Variants in FLAD1 observed in about 807,000 individuals in gnomAD.
FLAD1 encodes the protein flavin adenine dinucleotide synthetase 1, also known as bifunctional FAD diphosphatase/FAD synthase.
A neutral mutation model predicts 55.0 loss-of-function variants in FLAD1; 35 were observed. The observed-to-expected ratio is 0.64, with a 90% CI of 0.49 to 0.84. FLAD1 has a LOEUF of 0.84. Ranked by LOEUF, FLAD1 falls within the 40% of genes least tolerant of loss-of-function variation. The pLI is 0.00. For missense variants in FLAD1, 665 were observed against 742.6 expected, an observed-to-expected ratio of 0.90 and a Z score of 1.21; for synonymous variants, 267 against 303.0, an observed-to-expected ratio of 0.88 and a Z score of 1.23.
At chr1:154,990,943 G>A (rs1310400574) in intron 5 of FLAD1, 2 of 152,542 alleles carry the variant, frequency 1.3e-5, no homozygotes, top group Non-Finnish European at 2.9e-5. Context: ...TGGGCGCAGT[G>A]GCTCACGCCT....
chr1:154,992,763 A>G lies in FLAD1; in HGVS notation c.1605A>G (p.Pro535=). The G allele has an allele frequency of 2.5e-6, 4 of 1,614,152 alleles. No homozygotes were observed. In the South Asian group the frequency reaches 3.3e-5, roughly 13 times the overall value. Residue 535 remains proline (P), a synonymous_variant, in exon 6 of 7, where the codon CCA becomes CCG. Coordinates refer to ENST00000292180, the MANE Select transcript of FLAD1 (RefSeq NM_025207.5). ...IWDFLRQLFV[P]YCILYDRGYT... is the part of the protein sequence containing the mutation. ...ATTTTCTGCGTCAGCTGTTTGTCCC[A>G]TACTGTATCCTGTATGACCGAGGGT...
At chr1:154,988,940 C>A in intron 2 of FLAD1, 91 bp downstream of exon 2, 2 of 1,576,322 alleles carry the variant, frequency 1.3e-6, no homozygotes, top group South Asian at 1.1e-5. Flanking sequence ...GTGCTTCCTG[C>A]AAATCCCTGA....
intron 5 of FLAD1, 39 bp from the exon 6 acceptor site, chr1:154,992,674 G>A (rs1408141120): frequency 1.9e-6 from 3 of 1,614,148 alleles, no homozygotes; most frequent in South Asian, 1.1e-5. Flanking sequence ...AGTGGGAAAG[G>A]TGAGCATTTG....
chr1:154,988,448 A>G lies in FLAD1; in HGVS notation c.716A>G (p.Gln239Arg), dbSNP rs1404680528. ...TATGGCACAGATCCTTGCACTGGTCAACCTTTCAGATTCCCTCTGGTCTCC... is the reference window on the plus strand; with the variant it reads ...TATGGCACAGATCCTTGCACTGGTCGACCTTTCAGATTCCCTCTGGTCTCC... ...LHYGTDPCTGQPFRFPLVSVR... is the reference protein window; with the variant it reads ...LHYGTDPCTGRPFRFPLVSVR... The change falls in exon 2 of 7, where the codon CAA becomes CGA. Residue 239 changes from glutamine (Q) to arginine (R), a missense_variant. By Grantham distance (43) the Gln-to-Arg change is conservative (BLOSUM62 1). Transcript: ENST00000292180. 1.2e-6 allele frequency: 2 copies of G among 1,614,240 alleles called. No homozygotes were observed. Among genetic ancestry groups the G allele is most frequent in the Non-Finnish European group, 1.7e-6 (2 of 1,180,042 alleles).
chr1:154,989,687 C>A lies in FLAD1; in HGVS notation c.1245C>A (p.Leu415=). Reference sequence around the variant, plus strand: ...AAGACTGCACTGCCCTCCTGCACCTCTTCCATGCAGCTGTGCAGAGGTGAG... The same window carrying A: ...AAGACTGCACTGCCCTCCTGCACCTATTCCATGCAGCTGTGCAGAGGTGAG... ...GGKDCTALLH[L]FHAAVQRKLP... The change falls in exon 3 of 7, where the codon CTC becomes CTA. Residue 415 remains leucine (L), a synonymous_variant. Transcript: ENST00000292180. The A allele has an allele frequency of 6.4e-7, 1 of 1,563,354 alleles. No individual in the cohort carries two copies. The highest frequency in any genetic ancestry group is 8.7e-7 in the Non-Finnish European group (1 of 1,152,668).
chr1:154,987,958 G>A, intron 1 of FLAD1, 147 bp from the exon 2 acceptor site: 2 of 1,526,298 alleles, frequency 1.3e-6, no homozygotes, highest in Non-Finnish European at 1.8e-6. Context: ...TCCCACTCTT[G>A]TGTCCAGTCC....
At chr1:154,990,015 A>T in intron 3 of FLAD1, 144 bp from the exon 4 acceptor site, 1 of 759,298 alleles carries the variant, frequency 1.3e-6, no homozygotes, top group Non-Finnish European at 2.3e-6. Context: ...TCCCAGAGGA[A>T]GTGGGTCTAA....
rs375758484 is a variant in FLAD1 at position 154,984,024 on chromosome 1, C to T, written c.330C>T (p.Ser110=). 1.3e-6 allele frequency: 2 copies of T among 1,512,742 alleles called. No homozygotes were observed. Among genetic ancestry groups the T allele is most frequent in the East Asian group, 4.6e-5 (2 of 43,890 alleles). The allele number at this position is 1,512,742 out of a possible 1,614,324, so 93.7% of individuals were successfully genotyped here. The change falls in exon 1 of 7, where the codon AGC becomes AGT. Residue 110 remains serine (S), a synonymous_variant. Coordinates refer to ENST00000292180, the MANE Select transcript of FLAD1 (RefSeq NM_025207.5). ...SRASELSPGR[S]VTAGIIIVGD... is the part of the protein sequence containing the mutation. ...CCTCTGAACTTTCTCCGGGGCGCAGCGTGACGGCTGGCATCATCATTGTTG... is the reference window on the plus strand; with the variant it reads ...CCTCTGAACTTTCTCCGGGGCGCAGTGTGACGGCTGGCATCATCATTGTTG...
At chr1:154,987,932 CCAAA>C (rs1209661793) in intron 1 of FLAD1, 169 bp from the exon 2 acceptor site, 1 of 1,481,954 alleles carries the variant, frequency 6.7e-7, no homozygotes, top group Non-Finnish European at 8.9e-7. Flanking sequence ...AGCTTTAAAA[CCAAA>C]CAAATGGATT....
chr1:154,984,402 A>G (rs1264116844), intron 1 of FLAD1, among the ~76,000 whole-genome samples: 1 of 152,084 alleles, frequency 6.6e-6, no homozygotes, highest in Non-Finnish European at 1.5e-5. Flanking sequence ...GAGGAGGTAC[A>G]GGTGTGTGTA....
rs1366463156 is a variant in FLAD1, at chr1:154,989,855, A to G, written c.1265+148A>G. On this transcript the variant is annotated intron_variant, in intron 3 of 6. Coordinates refer to ENST00000292180, the MANE Select transcript of FLAD1 (RefSeq NM_025207.5). Reference sequence around the variant, plus strand: ...GTTCCATTCTCCCACCATATTGAGTATATGATATGTGCCTGGCCTTGTGTA... The same window carrying G: ...GTTCCATTCTCCCACCATATTGAGTGTATGATATGTGCCTGGCCTTGTGTA... 3.1e-6 allele frequency: 3 copies of G among 955,414 alleles called. No individual in the cohort carries two copies. The East Asian group carries it at 7.4e-5, about 24-fold the overall frequency. 59.2% of individuals were successfully genotyped at this position (955,414 alleles called of 1,614,324 possible). A position where few individuals can be genotyped will look rare whatever the true frequency, so the allele number is the denominator to read the frequency against.
chr1:154,986,607 C>T (rs1657619678), intron 1 of FLAD1, among the ~76,000 whole-genome samples: 1 of 151,614 alleles, frequency 6.6e-6, no homozygotes, highest in Non-Finnish European at 1.5e-5. Flanking sequence ...ACGGGGTTCT[C>T]GCTATGTTAA....
chr1:154,985,542 A>G (rs1239349902), intron 1 of FLAD1, among the ~76,000 whole-genome samples: 1 of 151,584 alleles, frequency 6.6e-6, no homozygotes, highest in Non-Finnish European at 1.5e-5. Flanking sequence ...GGCTGGGACT[A>G]CAGGCATGTG....
Position 154,988,539 on chromosome 1 carries a change from G to A in FLAD1, c.807G>A (p.Lys269=), listed in dbSNP as rs570649641. Residue 269 remains lysine, a synonymous_variant, in exon 2 of 7, where the codon AAG becomes AAA. Coordinates refer to ENST00000292180, the MANE Select transcript of FLAD1 (RefSeq NM_025207.5). ...ELLRRVLEGM[K]GLFQNPAVQF... ...TGCGGCGGGTGCTGGAGGGGATGAA[G>A]GGACTATTCCAAAACCCAGCTGTTC... 6.2e-7 allele frequency: 1 copy of A among 1,614,252 alleles called. No individual in the cohort carries two copies. The highest frequency in any genetic ancestry group is 1.1e-5 in the South Asian group (1 of 91,086).
rs766539734 is a variant in FLAD1 at position 154,992,921 on chromosome 1, C to T, written c.1648C>T (p.Arg550Trp). Residue 550 changes from arginine (R) to tryptophan (W), a missense_variant, in exon 7 of 7, where the codon CGG becomes TGG. Coordinates refer to ENST00000292180, the MANE Select transcript of FLAD1 (RefSeq NM_025207.5). ...CTCCAGATACACATCACTGGGGAGTCGGGAGAATACCGTGCGGAACCCGGC... is the reference window on the plus strand; with the variant it reads ...CTCCAGATACACATCACTGGGGAGTTGGGAGAATACCGTGCGGAACCCGGC... ...YDRGYTSLGSRENTVRNPALK... is the reference protein window; with the variant it reads ...YDRGYTSLGSWENTVRNPALK... The T allele has an allele frequency of 2.5e-6, 4 of 1,613,984 alleles. No individual in the cohort carries two copies. The highest frequency in any genetic ancestry group is 1.1e-5 in the South Asian group (1 of 91,072).
rs149321878 is a variant in FLAD1 at position 154,983,725 on chromosome 1, C to T, written c.31C>T (p.Gln11Ter). Residue 11 changes from glutamine to a stop codon, truncating the protein, a stop_gained, in exon 1 of 7, where the codon CAG becomes TAG. Transcript: ENST00000292180. LOFTEE classifies it high-confidence loss of function. ...TTGGGATTTGGGAACACGTTTATTC[C>T]AGAGGCAGGAACAAAGGAGTCGCTT... The part of the protein sequence containing the change: MGWDLGTRLF[Q>*]RQEQRSRLSR... The T allele has an allele frequency of 1.2e-6, 2 of 1,613,340 alleles. No homozygotes were observed. The highest frequency in any genetic ancestry group is 1.7e-6 in the Non-Finnish European group (2 of 1,179,486).
intron 5 of FLAD1, among the ~76,000 whole-genome samples, chr1:154,991,437 C>A (rs1369318414): frequency 6.6e-6 from 1 of 151,194 alleles, no homozygotes; most frequent in Non-Finnish European, 1.5e-5. Context: ...CACCTGTAAT[C>A]CCAACTACTC....
intron 1 of FLAD1, among the ~76,000 whole-genome samples, chr1:154,985,536 G>A (rs1014242127): frequency 2.6e-5 from 4 of 151,782 alleles, no homozygotes; most frequent in African/African-American, 9.7e-5. Flanking sequence ...CCAAGTGGCT[G>A]GGACTACAGG....
At chr1:154,992,188 T>TA (rs1180229169) in intron 5 of FLAD1, among the ~76,000 whole-genome samples, 1 of 146,102 alleles carries the variant, frequency 6.8e-6, no homozygotes, top group African/African-American at 2.6e-5. Flanking sequence ...CACACGCCTG[T>TA]AATCCCAGCA....
Sources: allele counts gnomAD v4.1 joint callset (sites outside exome capture counted in the v4.1 genomes callset), GRCh38; gene constraint gnomAD v4.1.1; transcripts MANE v1.5; gene names NCBI Gene and HGNC (gene_info 2026-07-23, HGNC 2026-07-21).